The following S100Z variants were observed in gnomAD, a reference collection of about 807,000 sequenced individuals.
S100Z encodes the protein protein S100-Z.
A neutral mutation model predicts 8.5 loss-of-function variants in S100Z; 11 were observed. The observed-to-expected ratio is 1.30, with a 90% CI of 0.82 to 2.15. The LOEUF is 2.15. Ranked by LOEUF, S100Z falls within the 30% of genes most tolerant of loss-of-function variation. The pLI, the probability that S100Z is intolerant of heterozygous loss-of-function variation, is 0.00. For synonymous variants in S100Z, 34 were observed against 43.8 expected, an observed-to-expected ratio of 0.78 and a Z score of 0.89; for missense variants, 126 against 117.9, an observed-to-expected ratio of 1.07 and a Z score of -0.32.
chr5:76,914,107 C>T (rs1293432619), intron 4 of S100Z, among the ~76,000 whole-genome samples: 2 of 152,162 alleles, frequency 1.3e-5, no homozygotes, highest in Non-Finnish European at 2.9e-5. Flanking sequence ...CTGGACTGAC[C>T]TGCTGGCCCT....
intron 4 of S100Z, among the ~76,000 whole-genome samples, chr5:76,880,977 T>C (rs1353327039): frequency 1.3e-5 from 2 of 151,466 alleles, no homozygotes; most frequent in Non-Finnish European, 2.9e-5. Flanking sequence ...TAGGAGAGAG[T>C]GACTGAGACT....
intron 4 of S100Z, among the ~76,000 whole-genome samples, chr5:76,884,737 A>G (rs1220587969): frequency 6.6e-6 from 1 of 152,018 alleles, no homozygotes; most frequent in Non-Finnish European, 1.5e-5. Context: ...TGAGGAGGGG[A>G]GGTGATAGAA....
intron 1 of S100Z, among the ~76,000 whole-genome samples, chr5:76,852,338 G>A (rs1013415113): frequency 2.0e-5 from 3 of 152,044 alleles, no homozygotes; most frequent in South Asian, 2.1e-4. Context: ...TACACTAGCA[G>A]CCTGGCCGTG....
chr5:76,892,495 T>A, intron 4 of S100Z, among the ~76,000 whole-genome samples: 1 of 152,134 alleles, frequency 6.6e-6, no homozygotes, highest in East Asian at 1.9e-4. Context: ...ATGAGGTGAG[T>A]CTCAACTACT....
downstream of S100Z, among the ~76,000 whole-genome samples, chr5:76,924,296 G>A (rs535042980): frequency 6.6e-6 from 1 of 152,230 alleles, no homozygotes; most frequent in East Asian, 1.9e-4. Flanking sequence ...ACCTCACTGG[G>A]TTTTTAGGTA....
chr5:76,861,909 A>G (rs1007073843), intron 1 of S100Z, among the ~76,000 whole-genome samples: 1 of 152,132 alleles, frequency 6.6e-6, no homozygotes, highest in African/African-American at 2.4e-5. Context: ...TCTTATTTCA[A>G]TGTTTAACAG....
At chr5:76,939,634 T>C in the S100Z span, among the ~76,000 whole-genome samples, 2 of 151,122 alleles carry the variant, frequency 1.3e-5, no homozygotes, top group African/African-American at 4.9e-5. Flanking sequence ...TGCCTCAGCC[T>C]CCTGAGTAGC....
intron 4 of S100Z, among the ~76,000 whole-genome samples, chr5:76,881,438 G>A (rs868498024): frequency 3.3e-5 from 5 of 152,122 alleles, no homozygotes; most frequent in South Asian, 2.1e-4. Context: ...AGTCCTGGGC[G>A]GGGGCAAATC....
At chr5:76,895,000 A>G (rs879919850) in intron 4 of S100Z, among the ~76,000 whole-genome samples, 2 of 152,150 alleles carry the variant, frequency 1.3e-5, no homozygotes, top group African/African-American at 2.4e-5. Flanking sequence ...CTAACTTTAA[A>G]TGTCTCTCTT....
chr5:76,900,749 T>C (rs1404073465), intron 4 of S100Z, among the ~76,000 whole-genome samples: 1 of 151,866 alleles, frequency 6.6e-6, no homozygotes, highest in East Asian at 1.9e-4. Context: ...TTTAGTTCAT[T>C]TAATGAGGTC....
chr5:76,943,866 C>T, the S100Z span, among the ~76,000 whole-genome samples: 1 of 152,134 alleles, frequency 6.6e-6, no homozygotes, highest in Non-Finnish European at 1.5e-5. Context: ...CATGCAGAAA[C>T]CAGAATGGGG....
intron 4 of S100Z, among the ~76,000 whole-genome samples, chr5:76,900,703 ATC>A (rs1349979525): frequency 1.3e-5 from 2 of 152,030 alleles, no homozygotes; most frequent in African/African-American, 4.8e-5. Context: ...AAGGTCACAT[ATC>A]TCTGTTTCTC....
intron 4 of S100Z, among the ~76,000 whole-genome samples, chr5:76,882,481 C>T (rs1023287421): frequency 7.2e-5 from 11 of 152,120 alleles, no homozygotes; most frequent in African/African-American, 2.7e-4. Context: ...GATTTAGGAT[C>T]TGTGGGGTCA....
At chr5:76,940,030 G>A in the S100Z span, among the ~76,000 whole-genome samples, 2 of 151,760 alleles carry the variant, frequency 1.3e-5, no homozygotes, top group Non-Finnish European at 2.9e-5. Flanking sequence ...GGTGGCATAT[G>A]CCTGTAGTCC....
the S100Z span, among the ~76,000 whole-genome samples, chr5:76,951,144 TATA>T: frequency 6.6e-6 from 1 of 152,218 alleles, no homozygotes; most frequent in Non-Finnish European, 1.5e-5. Flanking sequence ...CATCTTGTAC[TATA>T]ATTTGTGGAT....
intron 4 of S100Z, among the ~76,000 whole-genome samples, chr5:76,898,933 C>CTT (rs56287065): frequency 0.47 from 52,057 of 109,670 alleles, 12,622 homozygotes; most frequent in Non-Finnish European, 0.57. Flanking sequence ...CTTTTCTTTT[C>CTT]TTTTTTTTTT....
At chr5:76,920,343 T>C (rs1298220589) in intron 4 of S100Z, among the ~76,000 whole-genome samples, 2 of 152,260 alleles carry the variant, frequency 1.3e-5, no homozygotes, top group Non-Finnish European at 2.9e-5. Flanking sequence ...AGTAACTTTT[T>C]TATATGTTTA....
the S100Z span, among the ~76,000 whole-genome samples, chr5:76,951,295 G>C: frequency 6.6e-6 from 1 of 152,232 alleles, no homozygotes; most frequent in East Asian, 1.9e-4. Flanking sequence ...ACTGTTGTCT[G>C]TGCACGTGCA....
Position 76,897,315 on chromosome 5 carries a change from G to A in S100Z, c.*2+19481G>A, listed in dbSNP as rs1052454339. Among the ~76,000 whole-genome samples, 18 of 152,060 alleles carry A rather than the reference G, an allele frequency of 1.2e-4. 1 individual carries two copies. The highest frequency in any genetic ancestry group is 3.4e-3 in the Middle Eastern group (1 of 294). On this transcript the variant is annotated intron_variant, in intron 4 of 4. Coordinates refer to ENST00000317593, the MANE Select transcript of S100Z (RefSeq NM_130772.4). ...AAATTAGCCAGGTGTGGTGGTGGGC[G>A]CCTGTAGTCGCAGCTACTTGTAGAG... is the stretch of plus-strand genomic sequence containing the variant.
Sources: allele counts gnomAD v4.1 joint callset (sites outside exome capture counted in the v4.1 genomes callset), GRCh38; gene constraint gnomAD v4.1.1; transcripts MANE v1.5; gene names NCBI Gene and HGNC (gene_info 2026-07-23, HGNC 2026-07-21).